Variants in CTNNA2 observed in about 807,000 individuals in gnomAD.
CTNNA2 encodes the protein catenin alpha 2.
In CTNNA2, 42 loss-of-function variants were observed where a neutral mutation model predicts 101.0. The observed-to-expected ratio is 0.42, with a 90% CI of 0.32 to 0.54. The LOEUF is 0.54. CTNNA2 is among the 20% of genes least tolerant of loss of function. The pLI is 0.14. For synonymous variants in CTNNA2, 450 were observed against 456.4 expected (o/e 0.99, Z 0.18); for missense variants, 871 against 1,223.1 (o/e 0.71, Z 4.29).
chr2:79,274,986 A>G lies in CTNNA2; in HGVS notation c.-405-37723A>G, dbSNP rs537135234. Among the ~76,000 whole-genome samples the G allele has an allele frequency of 5.3e-5, 8 of 152,146 alleles. No homozygotes were observed. The East Asian group carries it at 1.6e-3, about 30-fold the overall frequency. On this transcript the variant is annotated intron_variant, in intron 2 of 21. Coordinates refer to the CTNNA2 transcript ENST00000466387. ...CTCATGGGATGGTTTCTTTGGACAAAGCTATGCTCTGGGAACCCACCCCAA... is the reference window on the plus strand; with the variant it reads ...CTCATGGGATGGTTTCTTTGGACAAGGCTATGCTCTGGGAACCCACCCCAA...
chr2:80,623,586 A>G (rs1331812565), intron 18 of CTNNA2, among the ~76,000 whole-genome samples: 1 of 151,972 alleles, frequency 6.6e-6, no homozygotes, highest in East Asian at 1.9e-4. Context: ...TGCTGAGTTT[A>G]ATGAGTAGCA....
At chr2:79,234,210 A>G (rs1457678596) in intron 2 of CTNNA2, among the ~76,000 whole-genome samples, 1 of 151,226 alleles carries the variant, frequency 6.6e-6, no homozygotes, top group African/African-American at 2.4e-5. Flanking sequence ...TCCTTTCAGG[A>G]CCTCTTGTAA....
chr2:79,802,552 G>A (rs1020510449), intron 3 of CTNNA2, among the ~76,000 whole-genome samples: 3 of 152,112 alleles, frequency 2.0e-5, no homozygotes, highest in East Asian at 1.9e-4. Flanking sequence ...CCAGATATGC[G>A]GCTGGATTAC....
At chr2:79,736,971 G>T (rs1478622853) in intron 2 of CTNNA2, among the ~76,000 whole-genome samples, 1 of 152,150 alleles carries the variant, frequency 6.6e-6, no homozygotes, top group African/African-American at 2.4e-5. Flanking sequence ...CCCACCAAAA[G>T]ACGGTGAATT....
At chr2:79,533,039 T>G (rs978399590) in intron 1 of CTNNA2, among the ~76,000 whole-genome samples, 1 of 151,998 alleles carries the variant, frequency 6.6e-6, no homozygotes, top group Non-Finnish European at 1.5e-5. Context: ...GACTCATTTT[T>G]TGTTGTCTAC....
chr2:80,334,810 TG>T (rs1225211367), intron 7 of CTNNA2, among the ~76,000 whole-genome samples: 3 of 152,206 alleles, frequency 2.0e-5, no homozygotes, highest in Non-Finnish European at 4.4e-5. Context: ...CCAATCCTCT[TG>T]GTCTGCCCAG....
chr2:79,742,598 T>C (rs1671366396), intron 2 of CTNNA2, among the ~76,000 whole-genome samples: 1 of 152,198 alleles, frequency 6.6e-6, no homozygotes, highest in African/African-American at 2.4e-5. Context: ...TTAAGGAGAA[T>C]GCTTCTGCAC....
intron 4 of CTNNA2, among the ~76,000 whole-genome samples, chr2:79,487,488 T>A (rs954258390): frequency 6.6e-6 from 1 of 152,220 alleles, no homozygotes; most frequent in Non-Finnish European, 1.5e-5. Context: ...TAACATTCTC[T>A]GGGGAATCTT....
rs555314287 is a variant in CTNNA2 at position 79,201,695 on chromosome 2, GAAACTC to G, written c.-406+3622_-406+3627del. Among the ~76,000 whole-genome samples, 93 of 152,170 alleles carry G rather than the reference GAAACTC, an allele frequency of 6.1e-4. 2 individuals are homozygous for G. In the South Asian group the frequency reaches 0.018, roughly 30 times the overall value. On this transcript the variant is annotated intron_variant, in intron 2 of 21. Coordinates refer to the CTNNA2 transcript ENST00000466387. ...TTGTCCTACTGGTTTGAGCCATAAA[GAAACTC>G]AAGCTGGTACCAAGCCCTAATAGGA...
At chr2:79,863,067 C>T (rs769429880) in intron 4 of CTNNA2, among the ~76,000 whole-genome samples, 1 of 152,126 alleles carries the variant, frequency 6.6e-6, no homozygotes, top group South Asian at 2.1e-4. Flanking sequence ...GCTTGCCAAC[C>T]GTTTTGAAGG....
At chr2:80,611,808 T>A (rs2149790690) in intron 17 of CTNNA2, among the ~76,000 whole-genome samples, 1 of 151,726 alleles carries the variant, frequency 6.6e-6, no homozygotes, top group East Asian at 1.9e-4. Flanking sequence ...AAACTGTTTT[T>A]TTAAAGTTAA....
intron 4 of CTNNA2, among the ~76,000 whole-genome samples, chr2:79,433,595 C>CTTT (rs887523823): frequency 8.1e-6 from 1 of 123,756 alleles, no homozygotes; most frequent in Non-Finnish European, 1.6e-5. Flanking sequence ...AATTATTTGC[C>CTTT]AAAGATGAGC....
intron 7 of CTNNA2, among the ~76,000 whole-genome samples, chr2:80,121,525 C>T (rs55730321): frequency 0.029 from 4,463 of 152,034 alleles, 207 homozygotes; most frequent in African/African-American, 0.1. Flanking sequence ...TAGTAAGTGC[C>T]TTAGAATCAT....
chr2:80,622,990 T>C (rs1053647547), intron 18 of CTNNA2, among the ~76,000 whole-genome samples: 2 of 149,394 alleles, frequency 1.3e-5, no homozygotes, highest in Admixed American at 1.4e-4. Context: ...TGTTTGGGGA[T>C]GGTGAAGTAG....
At position 80,362,854 on chromosome 2, in the gene CTNNA2, G is replaced by A. The variant is rs182298140; in HGVS notation, c.1057-30357G>A. On this transcript the variant is annotated intron_variant, in intron 7 of 18. Transcript: ENST00000402739. ...AATGTTAGGAACTGGGCGTGGTGGT[G>A]CATGCCTGTAATCCCAGCTACTTGG... 3.9e-5 allele frequency among the ~76,000 whole-genome samples: 6 copies of A among 152,064 alleles called. No individual in the cohort carries two copies. In the East Asian group the frequency reaches 1.2e-3, roughly 30 times the overall value.
chr2:79,861,556 A>T (rs1289812923), intron 4 of CTNNA2, among the ~76,000 whole-genome samples: 2 of 152,126 alleles, frequency 1.3e-5, no homozygotes, highest in South Asian at 2.1e-4. Flanking sequence ...TATGTTTAGG[A>T]ACTTAAATTT....
intron 1 of CTNNA2, among the ~76,000 whole-genome samples, chr2:79,603,843 C>T (rs1421406169): frequency 6.6e-6 from 1 of 152,128 alleles, no homozygotes; most frequent in African/African-American, 2.4e-5. Flanking sequence ...TGTACATACC[C>T]CACAAGTTTG....
intron 7 of CTNNA2, among the ~76,000 whole-genome samples, chr2:80,391,737 A>G (rs1279748505): frequency 2.6e-5 from 4 of 152,230 alleles, no homozygotes; most frequent in Non-Finnish European, 4.4e-5. Context: ...ACAGAGCAGC[A>G]CGTTATTCTT....
chr2:80,591,450 A>ACAGCCTG (rs1696481362), intron 15 of CTNNA2, among the ~76,000 whole-genome samples: 1 of 70,126 alleles, frequency 1.4e-5, no homozygotes, highest in African/African-American at 4.5e-5. Flanking sequence ...CTCCATCTGC[A>ACAGCCTG]CAGCCTGTTT....
Sources: allele counts gnomAD v4.1 joint callset (sites outside exome capture counted in the v4.1 genomes callset), GRCh38; gene constraint gnomAD v4.1.1; transcripts MANE v1.5; gene names NCBI Gene and HGNC (gene_info 2026-07-23, HGNC 2026-07-21).